The following ACTN1 variants were observed in gnomAD, a reference collection of about 807,000 sequenced individuals.
ACTN1 encodes the protein actinin alpha 1.
In ACTN1, 30 loss-of-function variants were observed where a neutral mutation model predicts 119.6. That is an observed-to-expected ratio of 0.25 (90% CI 0.19 to 0.34). The LOEUF (loss-of-function observed/expected upper bound fraction) is 0.34. Among genes scored for constraint, ACTN1 ranks in the 10% least tolerant of loss-of-function variants. The pLI is 1.00. For synonymous variants in ACTN1, 429 were observed against 472.6 expected (o/e 0.91, Z 1.20); for missense variants, 764 against 1,223.4 (o/e 0.62, Z 5.60).
intron 1 of ACTN1, among the ~76,000 whole-genome samples, chr14:68,938,760 T>C (rs1190948596): frequency 6.6e-6 from 1 of 152,196 alleles, no homozygotes; most frequent in East Asian, 1.9e-4. Context: ...GCCCAGTCAA[T>C]GTCAGCGGTC....
chr14:68,916,502 G>C (rs1311636496), intron 3 of ACTN1, among the ~76,000 whole-genome samples: 2 of 152,244 alleles, frequency 1.3e-5, no homozygotes, highest in Admixed American at 6.5e-5. Context: ...CGAGCATAGA[G>C]AGTAGGGCGT....
chr14:68,935,623 C>T (rs1041825776), intron 1 of ACTN1, among the ~76,000 whole-genome samples: 25 of 151,460 alleles, frequency 1.7e-4, no homozygotes, highest in African/African-American at 5.8e-4. Context: ...TGACCTCAAG[C>T]GATCTGTCCA....
At chr14:68,971,067 T>C (rs2036869082) in intron 1 of ACTN1, among the ~76,000 whole-genome samples, 1 of 152,198 alleles carries the variant, frequency 6.6e-6, no homozygotes, top group African/African-American at 2.4e-5. Flanking sequence ...AAGCCTTGCC[T>C]CCCAATTCAA....
intron 9 of ACTN1, 32 bp from the exon 10 acceptor site, chr14:68,892,315 G>T: frequency 6.3e-7 from 1 of 1,588,504 alleles, no homozygotes; most frequent in Non-Finnish European, 8.6e-7. Context: ...GGCAGGAGGT[G>T]AGGAGGCGGG....
intron 1 of ACTN1, among the ~76,000 whole-genome samples, chr14:68,934,719 G>A (rs1429147155): frequency 6.6e-6 from 1 of 152,170 alleles, no homozygotes; most frequent in Non-Finnish European, 1.5e-5. Context: ...TATTAATAAG[G>A]TATTAGGTTA....
At chr14:68,910,795 T>C (rs1463554500) in intron 4 of ACTN1, among the ~76,000 whole-genome samples, 1 of 152,176 alleles carries the variant, frequency 6.6e-6, no homozygotes, top group East Asian at 1.9e-4. Context: ...GTTCTCGTGG[T>C]AGTGAATAAG....
intron 20 of ACTN1, chr14:68,877,842 T>TA (rs1275046401): frequency 6.4e-6 from 1 of 156,078 alleles, no homozygotes; most frequent in Admixed American, 6.3e-5. Context: ...TCACCTGAGG[T>TA]AACACACTAA....
chr14:68,884,729 C>G (rs1443700920), intron 13 of ACTN1, 46 bp downstream of exon 13: 1 of 1,514,032 alleles, frequency 6.6e-7, no homozygotes, highest in African/African-American at 1.4e-5. Context: ...AGGGGCACCA[C>G]AGGGCTGCCG....
chr14:68,966,887 C>T (rs922309734), intron 1 of ACTN1, among the ~76,000 whole-genome samples: 5 of 152,196 alleles, frequency 3.3e-5, no homozygotes, highest in African/African-American at 7.2e-5. Flanking sequence ...AATGCAATAA[C>T]CCCACCCTCC....
chr14:68,884,083 G>A, intron 14 of ACTN1, 85 bp downstream of exon 14: 31 of 1,373,920 alleles, frequency 2.3e-5, no homozygotes, highest in Non-Finnish European at 3.0e-5. Context: ...TCTTCCTCAG[G>A]GGGCAGTCCT....
chr14:68,962,257 T>C (rs2036564408), intron 1 of ACTN1, among the ~76,000 whole-genome samples: 2 of 152,062 alleles, frequency 1.3e-5, no homozygotes, highest in East Asian at 1.9e-4. Context: ...GGTCCACTGC[T>C]CAAATTCCCG....
chr14:68,958,819 G>A (rs957319983), intron 1 of ACTN1, among the ~76,000 whole-genome samples: 3 of 152,166 alleles, frequency 2.0e-5, no homozygotes, highest in African/African-American at 7.2e-5. Flanking sequence ...GCCCAGCCCC[G>A]ACTGACCACA....
Position 68,909,328 on chromosome 14 carries a change from T to C in ACTN1, c.584A>G (p.Lys195Arg). The C allele has an allele frequency of 6.2e-7, 1 of 1,613,862 alleles. No homozygotes were observed. The highest frequency in any genetic ancestry group is 8.5e-7 in the Non-Finnish European group (1 of 1,179,930). ...RHRPELIDYG[K>R]LRKDDPLTNL... ...GGTGGGCACACATACCTTCCGCAGC[T>C]TCCCGTAGTCAATCAGCTCGGGCCG... Residue 195 changes from lysine to arginine, a missense_variant, in exon 6 of 22, where the codon AAG (lysine) becomes AGG (arginine). By Grantham distance (26) the Lys-to-Arg change is conservative (BLOSUM62 2). Transcript: ENST00000394419. This position sits in a 1 kb window ranked among gnomAD's most constrained non-coding sequence, Gnocchi z 4.1.
chr14:68,931,111 G>A (rs1234600264), intron 1 of ACTN1, among the ~76,000 whole-genome samples: 2 of 152,350 alleles, frequency 1.3e-5, no homozygotes, highest in Non-Finnish European at 2.9e-5. Context: ...GGTGGGTGCT[G>A]GAAGGGAACA....
intron 21 of ACTN1, among the ~76,000 whole-genome samples, chr14:68,875,734 G>A (rs1219119114): frequency 6.6e-6 from 1 of 152,226 alleles, no homozygotes; most frequent in Non-Finnish European, 1.5e-5. Context: ...TTTGAGGGAG[G>A]GTAGAGCTGC....
At chr14:68,931,436 T>C (rs2035217040) in intron 1 of ACTN1, among the ~76,000 whole-genome samples, 1 of 152,154 alleles carries the variant, frequency 6.6e-6, no homozygotes, top group Non-Finnish European at 1.5e-5. Context: ...GAACTGGGGC[T>C]CTATGACCAG....
intron 21 of ACTN1, 45 bp downstream of exon 21, chr14:68,877,037 C>A (rs1241642599): frequency 1.2e-6 from 2 of 1,607,356 alleles, no homozygotes; most frequent in Non-Finnish European, 1.7e-6. Context: ...ACAGTCCAGC[C>A]AGTGCCTGCC....
intron 1 of ACTN1, among the ~76,000 whole-genome samples, chr14:68,927,778 T>C (rs1317022432): frequency 1.3e-5 from 2 of 152,242 alleles, no homozygotes; most frequent in South Asian, 2.1e-4. Flanking sequence ...TTTTTATTGG[T>C]AGAAAAATAT....
chr14:68,881,768 G>A (rs1257665045), intron 16 of ACTN1, among the ~76,000 whole-genome samples: 4 of 151,856 alleles, frequency 2.6e-5, no homozygotes, highest in Non-Finnish European at 2.9e-5. Context: ...TGCTCTACTG[G>A]GGTTCAGTTC....
Sources: gnomAD v4.1 joint callset for allele counts (sites outside exome capture counted in the v4.1 genomes callset) on GRCh38, gnomAD v4.1.1 for gene constraint, Gnocchi (gnomAD v3.1) non-coding constraint, MANE v1.5 for transcripts, NCBI Gene and HGNC (gene_info 2026-07-23, HGNC 2026-07-21) for gene names.